The following SGCZ variants were observed in gnomAD, a reference collection of about 807,000 sequenced individuals.
The protein encoded by SGCZ is zeta-sarcoglycan.
In SGCZ, 40 loss-of-function variants were observed where a neutral mutation model predicts 41.3. The observed-to-expected ratio is 0.97, with a 90% CI of 0.75 to 1.26. The LOEUF (loss-of-function observed/expected upper bound fraction) is 1.26, where lower values mean the gene tolerates loss of function less well. SGCZ is among the 50% of genes most tolerant of loss of function. SGCZ has a pLI of 0.00. For synonymous variants in SGCZ, 206 were observed against 137.5 expected (o/e 1.50, Z -3.49); for missense variants, 552 against 369.8 (o/e 1.49, Z -4.04).
intron 3 of SGCZ, among the ~76,000 whole-genome samples, chr8:14,269,222 T>A (rs1342037836): frequency 1.3e-5 from 2 of 152,164 alleles, no homozygotes; most frequent in Non-Finnish European, 2.9e-5. Context: ...CTCAAATATT[T>A]GAGATTATTA....
At chr8:14,110,173 G>A (rs1802329675) in intron 5 of SGCZ, among the ~76,000 whole-genome samples, 1 of 152,070 alleles carries the variant, frequency 6.6e-6, no homozygotes, top group Non-Finnish European at 1.5e-5. Context: ...AGTGGGGATA[G>A]CATTTGAAAG....
intron 3 of SGCZ, among the ~76,000 whole-genome samples, chr8:14,320,233 AATG>A (rs1271876687): frequency 6.6e-6 from 1 of 151,710 alleles, no homozygotes; most frequent in Non-Finnish European, 1.5e-5. Context: ...ATAATATGAT[AATG>A]ATAACCATGA....
chr8:14,942,694 T>C (rs1213163796), intron 1 of SGCZ, among the ~76,000 whole-genome samples: 1 of 152,174 alleles, frequency 6.6e-6, no homozygotes, highest in Non-Finnish European at 1.5e-5. Flanking sequence ...TATTCACAAC[T>C]ATATTTCTCC....
chr8:14,361,033 GATA>G (rs1803493021), intron 2 of SGCZ, among the ~76,000 whole-genome samples: 1 of 152,176 alleles, frequency 6.6e-6, no homozygotes, highest in South Asian at 2.1e-4. Flanking sequence ...TTCTCTGACA[GATA>G]ATGATGTCGA....
intron 5 of SGCZ, among the ~76,000 whole-genome samples, chr8:14,162,884 C>G (rs994305400): frequency 8.5e-5 from 13 of 152,114 alleles, no homozygotes; most frequent in Admixed American, 2.0e-4. Context: ...TTTTATTTTA[C>G]TTTCGAGAGA....
In SGCZ at chr8:14,628,934, C is replaced by T. The variant is rs113850853; in HGVS notation, c.40-74008G>A. ...TGAATAAAAACCATCTGTACTTTTG[C>T]TGTTGTGATTCACCCCATTTCTGAG... On this transcript the variant is annotated intron_variant, in intron 1 of 7. Coordinates refer to ENST00000382080, the MANE Select transcript of SGCZ (RefSeq NM_139167.4). 5.9e-3 allele frequency among the ~76,000 whole-genome samples: 893 copies of T among 152,188 alleles called. 3 individuals carry two copies. Among genetic ancestry groups the T allele is most frequent in the Non-Finnish European group, 8.2e-3 (559 of 67,984 alleles).
intron 7 of SGCZ, among the ~76,000 whole-genome samples, chr8:14,096,190 A>T (rs1027653713): frequency 2.0e-5 from 3 of 152,138 alleles, no homozygotes; most frequent in Admixed American, 2.0e-4. Context: ...CAGTTTTCAA[A>T]GGGAATGCTT....
chr8:14,239,349 C>T (rs1806888753), intron 3 of SGCZ, among the ~76,000 whole-genome samples: 1 of 151,836 alleles, frequency 6.6e-6, no homozygotes, highest in African/African-American at 2.4e-5. Context: ...GAATTAAACA[C>T]ATTTGAATAT....
chr8:14,985,479 A>G (rs967268654), intron 1 of SGCZ, among the ~76,000 whole-genome samples: 1 of 152,166 alleles, frequency 6.6e-6, no homozygotes, highest in African/African-American at 2.4e-5. Context: ...TGAGACTAAA[A>G]ATTTATGAGA....
intron 1 of SGCZ, among the ~76,000 whole-genome samples, chr8:14,775,329 G>C (rs1800369207): frequency 6.6e-6 from 1 of 152,146 alleles, no homozygotes; most frequent in Admixed American, 6.5e-5. Flanking sequence ...AGCAACTGCA[G>C]AGTTCTGGTT....
chr8:14,937,624 C>CA (rs1419347346), intron 1 of SGCZ, among the ~76,000 whole-genome samples: 2 of 152,030 alleles, frequency 1.3e-5, no homozygotes, highest in Non-Finnish European at 2.9e-5. Context: ...GGAACCAATG[C>CA]AAAATCTCAT....
In SGCZ at chr8:15,211,086, G is replaced by C. The variant is rs565091227; in HGVS notation, c.39+26499C>G. Among the ~76,000 whole-genome samples the C allele has an allele frequency of 6.5e-4, 98 of 150,268 alleles. 1 individual carries two copies. Among genetic ancestry groups the C allele is most frequent in the Admixed American group, 2.0e-3 (30 of 15,022 alleles). ...ATACATAGATATATAGATAGATATA[G>C]ATATAGATATATATAGCTATATCTA... On this transcript the variant is annotated intron_variant, in intron 1 of 7. Coordinates refer to ENST00000382080, the MANE Select transcript of SGCZ (RefSeq NM_139167.4).
chr8:14,326,624 A>G (rs1391316575), intron 2 of SGCZ, among the ~76,000 whole-genome samples: 2 of 152,154 alleles, frequency 1.3e-5, no homozygotes, highest in Admixed American at 6.5e-5. Flanking sequence ...GTCAAAACTG[A>G]TGCTGGAAAT....
At chr8:15,101,960 G>C (rs1806631564) in intron 1 of SGCZ, among the ~76,000 whole-genome samples, 1 of 152,162 alleles carries the variant, frequency 6.6e-6, no homozygotes, top group East Asian at 1.9e-4. Flanking sequence ...CTTTGGAAGA[G>C]AGTTTGGCAG....
intron 3 of SGCZ, among the ~76,000 whole-genome samples, chr8:14,307,592 G>T (rs1352176384): frequency 6.6e-6 from 1 of 152,046 alleles, no homozygotes; most frequent in Non-Finnish European, 1.5e-5. Flanking sequence ...CATTAAAGTG[G>T]ATCACACTTT....
intron 1 of SGCZ, among the ~76,000 whole-genome samples, chr8:14,559,680 T>C (rs1510427): frequency 0.22 from 33,026 of 152,050 alleles, 4,236 homozygotes; most frequent in Non-Finnish European, 0.3. Flanking sequence ...TTAAATCTTA[T>C]GTTTCCATTT....
intron 1 of SGCZ, among the ~76,000 whole-genome samples, chr8:14,661,075 G>A (rs1240007315): frequency 6.6e-6 from 1 of 152,022 alleles, no homozygotes; most frequent in African/African-American, 2.4e-5. Context: ...TTGCTAGATT[G>A]CCTGTTCCTT....
At chr8:14,689,866 A>C (rs1201664681) in intron 1 of SGCZ, among the ~76,000 whole-genome samples, 1 of 152,184 alleles carries the variant, frequency 6.6e-6, no homozygotes, top group Non-Finnish European at 1.5e-5. Flanking sequence ...GAGAACACCA[A>C]GGAGAAAAAT....
At chr8:14,859,084 T>A (rs1035460622) in intron 1 of SGCZ, among the ~76,000 whole-genome samples, 57 of 152,176 alleles carry the variant, frequency 3.7e-4, no homozygotes, top group Admixed American at 9.8e-4. Flanking sequence ...GCAACTTCAG[T>A]CAACATCCCA....
Sources: gnomAD v4.1 joint callset for allele counts (sites outside exome capture counted in the v4.1 genomes callset) on GRCh38, gnomAD v4.1.1 for gene constraint, MANE v1.5 for transcripts, NCBI Gene and HGNC (gene_info 2026-07-23, HGNC 2026-07-21) for gene names.